ENOSF1: variants seen among roughly 807,000 people sequenced by gnomAD.
The protein encoded by ENOSF1 is mitochondrial enolase superfamily member 1.
ENOSF1 carries 73 observed loss-of-function variants against 68.2 expected under a neutral mutation model. That is an observed-to-expected ratio of 1.07 (90% CI 0.89 to 1.30). The LOEUF (loss-of-function observed/expected upper bound fraction) is 1.30, where lower values mean the gene tolerates loss of function less well. Among genes scored for constraint, ENOSF1 ranks in the 50% most tolerant of loss-of-function variants. The pLI, the probability that ENOSF1 is intolerant of heterozygous loss-of-function variation, is 0.00. For synonymous variants in ENOSF1, 223 were observed against 210.4 expected (o/e 1.06, Z -0.52); for missense variants, 589 against 554.5 (o/e 1.06, Z -0.62).
At position 672,956 on chromosome 18, in the gene ENOSF1, T is replaced by A; in HGVS notation, c.*1349A>T. ...AGCTGAAGACTTTCAGATTGAAGGG[T>A]ACAATCCGCATCCAACTATTAAAAT... On this transcript the variant is annotated 3_prime_UTR_variant, in exon 16 of 16. Transcript: ENST00000647584. 2 of 1,589,556 alleles carry A rather than the reference T, an allele frequency of 1.3e-6. No homozygotes were observed. Among genetic ancestry groups the A allele is most frequent in the Non-Finnish European group, 1.7e-6 (2 of 1,161,380 alleles).
chr18:701,939 G>GATAA (rs142996189), intron 2 of ENOSF1, among the ~76,000 whole-genome samples: 2,985 of 148,142 alleles, frequency 0.02, 101 homozygotes, highest in African/African-American at 0.069. Context: ...TAAATACATA[G>GATAA]ATAAATAAAT....
chr18:679,449 T>TCC (rs34733085), intron 11 of ENOSF1, among the ~76,000 whole-genome samples: 55,083 of 151,270 alleles, frequency 0.36, 10,606 homozygotes, highest in African/African-American at 0.49. Flanking sequence ...CCTCAGATGA[T>TCC]CCTCCCGCCT....
Position 688,608 on chromosome 18 carries a change from G to T in ENOSF1, c.619C>A (p.Leu207Ile). The change falls in exon 9 of 16, where the codon CTC becomes ATC. Residue 207 changes from leucine (L) to isoleucine (I), a missense_variant and splice_region_variant. Leu to Ile is a conservative substitution (Grantham distance 5). Coordinates refer to ENST00000647584, the MANE Select transcript of ENOSF1 (RefSeq NM_017512.7). The part of the protein sequence containing the change: ...LGYSDDTLKQ[L>I]CAQALKDGWT... ...CCATCCTTCAGCGCCTGGGCACAGA[G>T]CTGTGGGAAAGGAGCACAGGGTCAC... 1 of 1,614,032 alleles carries T rather than the reference G, an allele frequency of 6.2e-7. No homozygotes were observed. Among genetic ancestry groups the T allele is most frequent in the South Asian group, 1.1e-5 (1 of 91,084 alleles).
chr18:667,161 AGATGGT>A (rs1318850948), downstream of ENOSF1, among the ~76,000 whole-genome samples: 71 of 38,442 alleles, frequency 1.8e-3, 1 homozygote, highest in South Asian at 4.5e-3. Flanking sequence ...ATGGTGATGG[AGATGGT>A]GATGGTGATG....
chr18:686,725 G>A (rs1244221527), intron 9 of ENOSF1: 2 of 152,316 alleles, frequency 1.3e-5, no homozygotes. Flanking sequence ...AGGTGGAGGA[G>A]GGGACACCAC....
Position 672,696 on chromosome 18 carries a change from G to T in ENOSF1, c.*1609C>A, listed in dbSNP as rs9953447. ...TCTGTGCAAGAGAACAGCTGGTTGC[G>T]CTCCAATCATGTTACATAACCTACG... On this transcript the variant is annotated 3_prime_UTR_variant, in exon 16 of 16. Coordinates refer to ENST00000647584, the MANE Select transcript of ENOSF1 (RefSeq NM_017512.7). 1 of 648,904 alleles carries T rather than the reference G, an allele frequency of 1.5e-6. No homozygotes were observed. Among genetic ancestry groups the T allele is most frequent in the Non-Finnish European group, 2.5e-6 (1 of 405,668 alleles). 40.2% of individuals were successfully genotyped at this position (648,904 alleles called of 1,614,324 possible).
At chr18:712,244 C>T (rs1402411112) in intron 1 of ENOSF1, 2 of 1,518,648 alleles carry the variant, frequency 1.3e-6, no homozygotes, top group Admixed American at 4.0e-5. Context: ...GAGTGTCTCC[C>T]CCAGGCGCGC....
rs769437243 is a variant in ENOSF1, at chr18:671,493, T to C, written c.*2812A>G. On this transcript the variant is annotated 3_prime_UTR_variant, in exon 16 of 16. Coordinates refer to ENST00000647584, the MANE Select transcript of ENOSF1 (RefSeq NM_017512.7). ...ATACTTTTGGGTTTGGTACCTTCTC[T>C]TGATAAAAGGTTGACTGTGGAACAG... 9 of 1,289,512 alleles carry C rather than the reference T, an allele frequency of 7.0e-6. No homozygotes were observed. In the South Asian group the frequency reaches 9.5e-5, roughly 14 times the overall value. The allele number at this position is 1,289,512 out of a possible 1,614,324, so 79.9% of individuals were successfully genotyped here.
intron 5 of ENOSF1, chr18:693,071 G>A: frequency 7.8e-7 from 1 of 1,286,884 alleles, no homozygotes; most frequent in Non-Finnish European, 1.0e-6. Flanking sequence ...CATGCAGCTG[G>A]TGAGCAGTGA....
chr18:700,232 A>T (rs1598752669), intron 2 of ENOSF1, among the ~76,000 whole-genome samples: 1 of 152,218 alleles, frequency 6.6e-6, no homozygotes, highest in Non-Finnish European at 1.5e-5. Context: ...TTAATGGGAT[A>T]CACAATCATT....
intron 2 of ENOSF1, 147 bp downstream of exon 2, chr18:706,323 T>G: frequency 2.7e-6 from 1 of 374,902 alleles, no homozygotes; most frequent in South Asian, 3.1e-5. Context: ...ACCATGAAAC[T>G]TTTTACTCAC....
At chr18:707,226 T>C (rs892355561) in intron 1 of ENOSF1, among the ~76,000 whole-genome samples, 5 of 152,206 alleles carry the variant, frequency 3.3e-5, no homozygotes, top group Non-Finnish European at 7.3e-5. Flanking sequence ...GAGTCTTGCA[T>C]GTTACCCAGG....
chr18:683,160 T>C, intron 11 of ENOSF1, 86 bp downstream of exon 11: 3 of 1,513,804 alleles, frequency 2.0e-6, no homozygotes, highest in East Asian at 4.6e-5. Context: ...AGGGAACAAG[T>C]GAAGAAATTT....
intron 8 of ENOSF1, among the ~76,000 whole-genome samples, chr18:689,665 A>G (rs60921082): frequency 0.1 from 15,539 of 152,168 alleles, 876 homozygotes; most frequent in Middle Eastern, 0.21. Flanking sequence ...CATAAGAAGG[A>G]ATATATATTT....
intron 11 of ENOSF1, among the ~76,000 whole-genome samples, chr18:682,331 G>A (rs1001182025): frequency 9.2e-5 from 14 of 152,138 alleles, no homozygotes; most frequent in African/African-American, 2.9e-4. Flanking sequence ...TGTTCTGAAC[G>A]CTGCAGGCAA....
At chr18:697,967 T>A (rs2077923122) in intron 2 of ENOSF1, among the ~76,000 whole-genome samples, 1 of 152,056 alleles carries the variant, frequency 6.6e-6, no homozygotes, top group African/African-American at 2.4e-5. Flanking sequence ...TTAATTTTGG[T>A]ATTTTTTGTA....
chr18:676,216 A>G (rs2075496452), intron 14 of ENOSF1, among the ~76,000 whole-genome samples: 1 of 152,204 alleles, frequency 6.6e-6, no homozygotes, highest in African/African-American at 2.4e-5. Context: ...CCTGACTTCC[A>G]TCGCCTGTTA....
At chr18:695,337 T>C (rs1045165813) in intron 3 of ENOSF1, among the ~76,000 whole-genome samples, 6 of 152,222 alleles carry the variant, frequency 3.9e-5, no homozygotes, top group Admixed American at 6.5e-5. Flanking sequence ...TTTTGTTTTA[T>C]TATTAGGATT....
chr18:700,449 T>C (rs2078214560), intron 2 of ENOSF1, among the ~76,000 whole-genome samples: 1 of 152,214 alleles, frequency 6.6e-6, no homozygotes, highest in Non-Finnish European at 1.5e-5. Context: ...CATGTCACAA[T>C]ACCAAATGCA....
Sources: allele counts gnomAD v4.1 joint callset (sites outside exome capture counted in the v4.1 genomes callset), GRCh38; gene constraint gnomAD v4.1.1; transcripts MANE v1.5; gene names NCBI Gene and HGNC (gene_info 2026-07-23, HGNC 2026-07-21).